RBMS2: variants seen among roughly 807,000 people sequenced by gnomAD.
The protein encoded by RBMS2 is RNA binding motif single stranded interacting protein 2.
In RBMS2, 38 loss-of-function variants were observed where a neutral mutation model predicts 58.4. That is an observed-to-expected ratio of 0.65 (90% CI 0.50 to 0.85). The LOEUF is 0.85. Among genes scored for constraint, RBMS2 ranks in the 40% least tolerant of loss-of-function variants. The pLI, the probability that RBMS2 is intolerant of heterozygous loss-of-function variation, is 0.00. For synonymous variants in RBMS2, 151 were observed against 180.7 expected (o/e 0.84, Z 1.32); for missense variants, 367 against 503.7 (o/e 0.73, Z 2.60).
At chr12:56,522,521 G>A (rs577216615) in intron 1 of RBMS2, among the ~76,000 whole-genome samples, 1 of 152,032 alleles carries the variant, frequency 6.6e-6, no homozygotes, top group African/African-American at 2.4e-5. Context: ...ACCACCAGTA[G>A]TATTAGATAG....
At chr12:56,574,757 A>T (rs1882853834) in intron 5 of RBMS2, among the ~76,000 whole-genome samples, 1 of 152,200 alleles carries the variant, frequency 6.6e-6, no homozygotes, top group Non-Finnish European at 1.5e-5. Context: ...AATTATAAAT[A>T]TTGGCATTTA....
rs1884844108 is a variant in RBMS2, at chr12:56,587,565, G to C, written c.963G>C (p.Leu321=). The C allele has an allele frequency of 6.2e-7, 1 of 1,613,750 alleles. No individual in the cohort carries two copies. Among genetic ancestry groups the C allele is most frequent in the East Asian group, 2.2e-5 (1 of 44,872 alleles). Residue 321 remains leucine, a synonymous_variant, in exon 11 of 14, where the codon CTG becomes CTC. Coordinates refer to ENST00000262031, the MANE Select transcript of RBMS2 (RefSeq NM_002898.4). ...GTTGCTGCCTCTAGGGTTCAGTTCT[G>C]ACACCAGGGATGGACCATCCCATTT... The part of the protein sequence containing the change: ...SYLMQPSGSV[L]TPGMDHPISL...
intron 1 of RBMS2, among the ~76,000 whole-genome samples, chr12:56,536,564 T>TC (rs899568622): frequency 7.5e-4 from 113 of 151,364 alleles, no homozygotes; most frequent in African/African-American, 2.4e-3. Flanking sequence ...CTTCTTTCTT[T>TC]TTTTTTTTTG....
Position 56,569,041 on chromosome 12 carries a change from A to G in RBMS2, c.292+8A>G. On this transcript the variant is annotated splice_region_variant and intron_variant, in intron 3 of 13. Transcript: ENST00000262031. ...CCACAAACAAATGTAAAGGTGAGAG[A>G]ACAACTGTCCTTGGTGTTGGAGAGC... The G allele has an allele frequency of 6.2e-7, 1 of 1,609,308 alleles. No individual in the cohort carries two copies. Among genetic ancestry groups the G allele is most frequent in the Non-Finnish European group, 8.5e-7 (1 of 1,175,588 alleles).
intron 5 of RBMS2, among the ~76,000 whole-genome samples, chr12:56,572,272 G>A (rs1420673403): frequency 7.4e-6 from 1 of 135,256 alleles, no homozygotes; most frequent in African/African-American, 2.8e-5. Flanking sequence ...CTGGGGAACA[G>A]AGTGAGACTC....
intron 5 of RBMS2, among the ~76,000 whole-genome samples, chr12:56,576,467 T>C (rs577291946): frequency 9.2e-4 from 140 of 152,224 alleles, no homozygotes; most frequent in Middle Eastern, 6.8e-3. Context: ...TGAAAAAGCG[T>C]AGTATATCTA....
intron 5 of RBMS2, among the ~76,000 whole-genome samples, chr12:56,573,857 T>C (rs1358552089): frequency 6.6e-6 from 1 of 152,092 alleles, no homozygotes; most frequent in African/African-American, 2.4e-5. Flanking sequence ...GTTGTTGTTG[T>C]TGAGACGAAG....
intron 1 of RBMS2, among the ~76,000 whole-genome samples, chr12:56,555,247 C>G (rs902580090): frequency 5.3e-5 from 8 of 151,428 alleles, no homozygotes; most frequent in African/African-American, 1.9e-4. Flanking sequence ...AGGACTGAGA[C>G]TGAGATCTTT....
intron 2 of RBMS2, among the ~76,000 whole-genome samples, chr12:56,567,027 G>T (rs553636184): frequency 6.6e-6 from 1 of 152,128 alleles, no homozygotes; most frequent in Non-Finnish European, 1.5e-5. Context: ...GGATAGTAAA[G>T]CCACTAACCT....
intron 1 of RBMS2, among the ~76,000 whole-genome samples, chr12:56,524,847 C>T (rs866186990): frequency 1.3e-5 from 2 of 151,610 alleles, no homozygotes; most frequent in East Asian, 2.0e-4. Flanking sequence ...AGCTTTCTGA[C>T]TAGTTGGGAT....
In RBMS2 at chr12:56,581,430, T is replaced by C; in HGVS notation, c.654T>C (p.Ala218=). Residue 218 remains alanine (A), a synonymous_variant, in exon 7 of 14, where the codon GCT becomes GCC. Transcript: ENST00000262031. The part of the protein sequence containing the change: ...APSDPLLCKF[A]DGGPKKRQNQ... ...CCGATCCCTTGCTTTGCAAATTTGC[T>C]GATGGCGGGCCAAAGAAACGACAGA... is the stretch of plus-strand genomic sequence containing the variant. 6.2e-7 allele frequency: 1 copy of C among 1,614,124 alleles called. No individual in the cohort carries two copies. Among genetic ancestry groups the C allele is most frequent in the Non-Finnish European group, 8.5e-7 (1 of 1,180,020 alleles).
rs974632363 is a variant in RBMS2, at chr12:56,595,486, A to AACTT, written c.*6356_*6359dup. The AACTT allele has an allele frequency of 1.4e-4, 21 of 152,184 alleles. No homozygotes were observed. Among genetic ancestry groups the AACTT allele is most frequent in the South Asian group, 2.1e-4 (1 of 4,808 alleles). 9.4% of individuals were successfully genotyped at this position (152,184 alleles called of 1,614,324 possible). A position where few individuals can be genotyped will look rare whatever the true frequency, so the allele number is the denominator to read the frequency against. On this transcript the variant is annotated 3_prime_UTR_variant, in exon 14 of 14. Transcript: ENST00000262031. ...ATCTATGCCAATGCCACCATTCTAA[A>AACTT]ACTTACACTCCTTTTCTACCCCTGG...
intron 12 of RBMS2, 142 bp downstream of exon 12, chr12:56,588,516 A>G: frequency 1.3e-6 from 1 of 757,618 alleles, no homozygotes; most frequent in Non-Finnish European, 2.2e-6. Flanking sequence ...CGTAGGAAGG[A>G]TGTGCTCGCT....
Position 56,569,731 on chromosome 12 carries a change from T to G in RBMS2, c.293-168T>G, listed in dbSNP as rs140333924. On this transcript the variant is annotated intron_variant, in intron 3 of 13. Coordinates refer to ENST00000262031, the MANE Select transcript of RBMS2 (RefSeq NM_002898.4). ...TCTTAGCCACAAAGTAGATCACATC[T>G]CAGGGTTTGAGGAGCATGTGGATAA... Among the ~76,000 whole-genome samples, 200 of 152,266 alleles carry G rather than the reference T, an allele frequency of 1.3e-3. 1 individual carries two copies. Among genetic ancestry groups the G allele is most frequent in the African/African-American group, 4.5e-3 (189 of 41,556 alleles).
At chr12:56,584,222 A>C (rs1884353554) in intron 9 of RBMS2, among the ~76,000 whole-genome samples, 1 of 151,866 alleles carries the variant, frequency 6.6e-6, no homozygotes, top group Non-Finnish European at 1.5e-5. Flanking sequence ...ACTTGAGCTC[A>C]GGAGTTCGAG....
rs940728073 is a variant in RBMS2, at chr12:56,595,537, T to C, written c.*6404T>C. On this transcript the variant is annotated 3_prime_UTR_variant, in exon 14 of 14. Transcript: ENST00000262031. Reference sequence around the variant, plus strand: ...TCTTTTCCTTGTCCTTCCCTACAACTTGGTAGAGGTCCATTTTGTCTTACT... The same window carrying C: ...TCTTTTCCTTGTCCTTCCCTACAACCTGGTAGAGGTCCATTTTGTCTTACT... 2.0e-5 allele frequency: 3 copies of C among 152,154 alleles called. No individual in the cohort carries two copies. The highest frequency in any genetic ancestry group is 4.8e-5 in the African/African-American group (2 of 41,454). The allele number at this position is 152,154 out of a possible 1,614,324, so 9.4% of individuals were successfully genotyped here. A position where few individuals can be genotyped will look rare whatever the true frequency, so the allele number is the denominator to read the frequency against.
intron 1 of RBMS2, among the ~76,000 whole-genome samples, chr12:56,540,545 T>C (rs2136297793): frequency 6.6e-6 from 1 of 152,148 alleles, no homozygotes; most frequent in South Asian, 2.1e-4. Context: ...AGCTGATTTT[T>C]AAAAAACTGT....
chr12:56,563,990 TA>T lies in RBMS2; in HGVS notation c.233+1410del, dbSNP rs527676714. Among the ~76,000 whole-genome samples, 341 of 152,196 alleles carry T rather than the reference TA, an allele frequency of 2.2e-3. 2 individuals are homozygous for T. Among genetic ancestry groups the T allele is most frequent in the African/African-American group, 7.7e-3 (320 of 41,512 alleles). On this transcript the variant is annotated intron_variant, in intron 2 of 13. Transcript: ENST00000262031. ...GATTTCTAAATTTTGTTTCTTGTAC[TA>T]AATATAATGTGCTACAAAAATTCTC...
At chr12:56,588,523 C>A in intron 12 of RBMS2, 149 bp downstream of exon 12, 1 of 719,658 alleles carries the variant, frequency 1.4e-6, no homozygotes, top group South Asian at 1.7e-5. Context: ...AGGATGTGCT[C>A]GCTTCGGCAG....
Sources: allele counts gnomAD v4.1 joint callset (sites outside exome capture counted in the v4.1 genomes callset), GRCh38; gene constraint gnomAD v4.1.1; transcripts MANE v1.5; gene names NCBI Gene and HGNC (gene_info 2026-07-23, HGNC 2026-07-21).